Variants in POLD1 observed in about 807,000 individuals in gnomAD.
POLD1 encodes the protein DNA polymerase delta 1, catalytic subunit, also known as DNA polymerase delta catalytic subunit.
A neutral mutation model predicts 129.7 loss-of-function variants in POLD1; 79 were observed. The observed-to-expected ratio is 0.61, with a 90% CI of 0.51 to 0.73. POLD1 has a LOEUF of 0.73. Among genes scored for constraint, POLD1 ranks in the 30% least tolerant of loss-of-function variants. POLD1 has a pLI of 0.00. For missense variants in POLD1, 1,338 were observed against 1,595.8 expected, an observed-to-expected ratio of 0.84 and a Z score of 2.75; for synonymous variants, 714 against 683.3, an observed-to-expected ratio of 1.04 and a Z score of -0.70.
chr19:50,406,681 C>A lies in POLD1; in HGVS notation c.1494+164C>A, dbSNP rs2038898786. On this transcript the variant is annotated intron_variant, in intron 12 of 26. Transcript: ENST00000440232. The surrounding 1 kb of genome is among the most constrained non-coding windows in gnomAD (Gnocchi z 5.5). ...GCCCACTTTTTCCTGACCTCTGACCCCAGATTTCTCTCCACTCCTGTGACC... is the reference window on the plus strand; with the variant it reads ...GCCCACTTTTTCCTGACCTCTGACCACAGATTTCTCTCCACTCCTGTGACC... Among the ~76,000 whole-genome samples the A allele has an allele frequency of 6.6e-6, 1 of 152,132 alleles. No individual in the cohort carries two copies. Among genetic ancestry groups the A allele is most frequent in the South Asian group, 2.1e-4 (1 of 4,822 alleles).
Position 50,414,872 on chromosome 19 carries a change from T to C in POLD1, c.2446T>C (p.Ser816Pro). The C allele has an allele frequency of 1.2e-6, 2 of 1,607,012 alleles. No homozygotes were observed. Among genetic ancestry groups the C allele is most frequent in the Non-Finnish European group, 1.7e-6 (2 of 1,175,444 alleles). ...GCGCTACGCGGGCCTGCTCTTCTCC[T>C]CCCGGCCCGACGCCCACGACCGCAT... The part of the protein sequence containing the change: ...KKRYAGLLFS[S>P]RPDAHDRMDC... Residue 816 changes from serine (S) to proline (P), a missense_variant, in exon 20 of 27, where the codon TCC becomes CCC. Transcript: ENST00000440232.
chr19:50,403,410 G>C (rs1398464841), intron 9 of POLD1, 83 bp from the exon 10 acceptor site: 11 of 1,233,998 alleles, frequency 8.9e-6, no homozygotes, highest in Non-Finnish European at 1.3e-5. Context: ...TTCAGGGGTG[G>C]CTGGGGTTCT....
intron 9 of POLD1, 78 bp from the exon 10 acceptor site, chr19:50,403,415 G>A: frequency 8.0e-7 from 1 of 1,254,210 alleles, no homozygotes; most frequent in South Asian, 1.2e-5. Context: ...GGGTGGCTGG[G>A]GTTCTAGAAC....
rs199993010 is a variant in POLD1, at chr19:50,401,832, T to G, written c.371T>G (p.Val124Gly). The G allele has an allele frequency of 6.2e-7, 1 of 1,613,860 alleles. No individual in the cohort carries two copies. The highest frequency in any genetic ancestry group is 8.5e-7 in the Non-Finnish European group (1 of 1,179,914). ...CCACCATCCCGCGGCTCCGTGCCTG[T>G]GCTCCGCGCCTTCGGGGTCACCGAT... ...GPPPSRGSVP[V>G]LRAFGVTDEG... The change falls in exon 4 of 27, where the codon GTG (valine) becomes GGG (glycine). Residue 124 changes from valine to glycine, a missense_variant. By Grantham distance (109) the Val-to-Gly change is moderately radical. Coordinates refer to ENST00000440232, the MANE Select transcript of POLD1 (RefSeq NM_002691.4).
chr19:50,407,084 C>T lies in POLD1; in HGVS notation c.1596C>T (p.Ala532=), dbSNP rs550441767. The T allele has an allele frequency of 1.4e-4, 230 of 1,613,858 alleles. No homozygotes were observed. Among genetic ancestry groups the T allele is most frequent in the Non-Finnish European group, 1.9e-4 (219 of 1,180,008 alleles). Residue 532 remains alanine (A), a synonymous_variant, in exon 13 of 27, where the codon GCC becomes GCT. Coordinates refer to ENST00000440232, the MANE Select transcript of POLD1 (RefSeq NM_002691.4). Reference sequence around the variant, plus strand: ...AGCGGCTCATGGTGCTGGTGAACGCCGTGGAGATGGCGAGGGTCACTGGCG... The same window carrying T: ...AGCGGCTCATGGTGCTGGTGAACGCTGTGGAGATGGCGAGGGTCACTGGCG... The part of the protein sequence containing the change: ...LLERLMVLVN[A]VEMARVTGVP...
chr19:50,392,822 C>T (rs1344784749), intron 1 of POLD1, among the ~76,000 whole-genome samples: 1 of 152,260 alleles, frequency 6.6e-6, no homozygotes, highest in Non-Finnish European at 1.5e-5. Flanking sequence ...TTTTCTTAGA[C>T]ATTGTTTTTC....
Position 50,417,869 on chromosome 19 carries a change from CAAG to C in POLD1, c.3250_3252del (p.Lys1084del). 1 of 1,609,966 alleles carries C rather than the reference CAAG, an allele frequency of 6.2e-7. No individual in the cohort carries two copies. Among genetic ancestry groups the C allele is most frequent in the Non-Finnish European group, 8.5e-7 (1 of 1,178,284 alleles). The stretch of plus-strand genomic sequence containing the variant: ...GGGACTGCCCCATCTTCTACATGCG[CAAG>C]AAGGTGCGGAAGGACCTGGAAGACC... On this transcript the variant is annotated inframe_deletion, in exon 27 of 27. Transcript: ENST00000440232.
intron 17 of POLD1, among the ~76,000 whole-genome samples, chr19:50,411,336 G>A (rs568082465): frequency 3.3e-5 from 5 of 152,160 alleles, no homozygotes; most frequent in Non-Finnish European, 5.9e-5. Context: ...GAAAGGGGTG[G>A]CTGTGTGGAC....
At chr19:50,404,084 G>A (rs1362168686) in intron 10 of POLD1, among the ~76,000 whole-genome samples, 1 of 152,102 alleles carries the variant, frequency 6.6e-6, no homozygotes, top group Non-Finnish European at 1.5e-5. Flanking sequence ...AAAAGTCATT[G>A]TCTCACCGTC....
chr19:50,416,544 G>A lies in POLD1; in HGVS notation c.2953+16G>A. ...GTGCTACTGCGTACGGGGGCACCAGGGGACTGGGGGCACCCTGGGGGGGCA... is the reference window on the plus strand; with the variant it reads ...GTGCTACTGCGTACGGGGGCACCAGAGGACTGGGGGCACCCTGGGGGGGCA... On this transcript the variant is annotated intron_variant, in intron 23 of 26. Transcript: ENST00000440232. 6.5e-7 allele frequency: 1 copy of A among 1,549,232 alleles called. No homozygotes were observed. Among genetic ancestry groups the A allele is most frequent in the Non-Finnish European group, 8.7e-7 (1 of 1,149,312 alleles).
intron 19 of POLD1, 54 bp from the exon 20 acceptor site, chr19:50,414,761 A>G (rs2039211531): frequency 2.2e-6 from 3 of 1,387,354 alleles, no homozygotes; most frequent in Non-Finnish European, 1.9e-6. Context: ...GGGCGTCTCC[A>G]GATTGGGGCT....
chr19:50,408,582 C>T lies in POLD1; in HGVS notation c.1776-203C>T, dbSNP rs2038981467. On this transcript the variant is annotated intron_variant, in intron 14 of 26. Coordinates refer to ENST00000440232, the MANE Select transcript of POLD1 (RefSeq NM_002691.4). ...TTTTTTTGTAGAGATAGGGTTTTGC[C>T]ATGTTGCCCAGGCTGATCTGAAACT... 7 of 744,742 alleles carry T rather than the reference C, an allele frequency of 9.4e-6. No homozygotes were observed. The Middle Eastern group carries it at 1.6e-3, about 168-fold the overall frequency. The allele number at this position is 744,742 out of a possible 1,614,324, so 46.1% of individuals were successfully genotyped here.
chr19:50,414,696 C>T (rs1425382220), intron 19 of POLD1, 119 bp from the exon 20 acceptor site: 35 of 781,650 alleles, frequency 4.5e-5, no homozygotes, highest in Admixed American at 4.2e-4. Flanking sequence ...GCTCAGGGCA[C>T]GGCTCCCATG....
chr19:50,392,114 A>G (rs1402473737), intron 1 of POLD1, among the ~76,000 whole-genome samples: 5 of 151,712 alleles, frequency 3.3e-5, no homozygotes, highest in Non-Finnish European at 5.9e-5. Flanking sequence ...TCTCTTGCCC[A>G]GACTGTATTG....
intron 19 of POLD1, among the ~76,000 whole-genome samples, chr19:50,414,538 C>T (rs539399254): frequency 6.6e-6 from 1 of 152,236 alleles, no homozygotes; most frequent in Non-Finnish European, 1.5e-5. Flanking sequence ...TTCATCGACT[C>T]GCCTGTCTGG....
intron 22 of POLD1, 187 bp from the exon 23 acceptor site, chr19:50,416,209 C>A: frequency 1.6e-6 from 1 of 617,162 alleles, no homozygotes; most frequent in Non-Finnish European, 2.8e-6. Flanking sequence ...CCGTGGTGAC[C>A]TGAGAGCCCT....
intron 9 of POLD1, 136 bp downstream of exon 9, chr19:50,403,355 T>C: frequency 8.9e-7 from 1 of 1,121,338 alleles, no homozygotes; most frequent in Non-Finnish European, 1.3e-6. Context: ...GGTGGGCCCC[T>C]GTGCAATTAG....
At position 50,406,378 on chromosome 19, in the gene POLD1, G is replaced by T; in HGVS notation, c.1384-29G>T. On this transcript the variant is annotated intron_variant, in intron 11 of 26. Coordinates refer to ENST00000440232, the MANE Select transcript of POLD1 (RefSeq NM_002691.4). The surrounding 1 kb of genome is among the most constrained non-coding windows in gnomAD (Gnocchi z 5.5). ...CCTTGGAAGGCCACTGCCCAGGCCC[G>T]CAGCCCACCAGCCCACCCACCCACC... 1 of 1,609,238 alleles carries T rather than the reference G, an allele frequency of 6.2e-7. No homozygotes were observed. The highest frequency in any genetic ancestry group is 8.5e-7 in the Non-Finnish European group (1 of 1,177,500).
Position 50,416,401 on chromosome 19 carries a change from G to C in POLD1, c.2826G>C (p.Pro942=), listed in dbSNP as rs878854543. The C allele has an allele frequency of 1.3e-6, 2 of 1,548,880 alleles. No individual in the cohort carries two copies. Among genetic ancestry groups the C allele is most frequent in the Non-Finnish European group, 1.7e-6 (2 of 1,147,058 alleles). The part of the protein sequence containing the change: ...GVAAYMKSED[P]LFVLEHSLPI... ...TGACTGCCATGTGGCCGCAGGACCC[G>C]CTGTTCGTGCTGGAGCACAGCCTGC... Residue 942 remains proline (P), a synonymous_variant, in exon 23 of 27, where the codon CCG becomes CCC. Coordinates refer to ENST00000440232, the MANE Select transcript of POLD1 (RefSeq NM_002691.4).
Sources: gnomAD v4.1 joint callset for allele counts (sites outside exome capture counted in the v4.1 genomes callset) on GRCh38, gnomAD v4.1.1 for gene constraint, Gnocchi (gnomAD v3.1) non-coding constraint, MANE v1.5 for transcripts, NCBI Gene and HGNC (gene_info 2026-07-23, HGNC 2026-07-21) for gene names.